The following NAMPT variants were observed in gnomAD, a reference collection of about 807,000 sequenced individuals.
NAMPT encodes nicotinamide phosphoribosyltransferase, also known as NAmPRTase.
Under a neutral mutation model 58.7 loss-of-function variants are expected in NAMPT, and 7 were observed. The ratio of observed to expected loss-of-function variants is 0.12; its 90% CI spans 0.07 to 0.22. The LOEUF (loss-of-function observed/expected upper bound fraction) is 0.22, where lower values mean the gene tolerates loss of function less well. Ranked by LOEUF, NAMPT falls within the 10% of genes least tolerant of loss-of-function variation. NAMPT has a pLI of 1.00. For synonymous variants in NAMPT, 145 were observed against 198.1 expected (o/e 0.73, Z 2.25); for missense variants, 271 against 567.9 (o/e 0.48, Z 5.31).
Position 106,250,077 on chromosome 7 carries a change from TTAA to T in NAMPT, c.*1003_*1005del, listed in dbSNP as rs201746751. Reference sequence around the variant, plus strand: ...ATATCCAATTTAATTTTTTAAAAACTTAATAAAAAATATAACAGAATTGAAACA... The same window carrying T: ...ATATCCAATTTAATTTTTTAAAAACTTAAAAAATATAACAGAATTGAAACA... On this transcript the variant is annotated 3_prime_UTR_variant, in exon 11 of 11. Coordinates refer to ENST00000222553, the MANE Select transcript of NAMPT (RefSeq NM_005746.3). 14 of 152,478 alleles carry T rather than the reference TTAA, an allele frequency of 9.2e-5. No individual in the cohort carries two copies. Among genetic ancestry groups the T allele is most frequent in the African/African-American group, 3.4e-4 (14 of 41,540 alleles). The allele number at this position is 152,478 out of a possible 1,614,324, so 9.4% of individuals were successfully genotyped here. A position where few individuals can be genotyped will look rare whatever the true frequency, so the allele number is the denominator to read the frequency against.
intron 8 of NAMPT, among the ~76,000 whole-genome samples, chr7:106,258,154 C>T (rs1314238083): frequency 5.9e-5 from 9 of 152,168 alleles, no homozygotes; most frequent in Admixed American, 5.9e-4. Context: ...AAGGAATTCC[C>T]ACTTCTCTTA....
At chr7:106,271,858 C>T (rs1792540884) in intron 4 of NAMPT, 1 of 157,802 alleles carries the variant, frequency 6.3e-6, no homozygotes, top group Non-Finnish European at 1.5e-5. Flanking sequence ...GAGGGTATTT[C>T]CTCTCACGGA....
At chr7:106,251,264 T>A in intron 10 of NAMPT, 71 bp from the exon 11 acceptor site, 1 of 976,136 alleles carries the variant, frequency 1.0e-6, no homozygotes. Context: ...TTTGATGAAT[T>A]AGACTAACCA....
chr7:106,280,796 C>T (rs566481672), intron 1 of NAMPT, among the ~76,000 whole-genome samples: 30 of 152,044 alleles, frequency 2.0e-4, no homozygotes, highest in African/African-American at 6.8e-4. Context: ...AAAAAACTAG[C>T]CGGGCGTGGT....
intron 8 of NAMPT, among the ~76,000 whole-genome samples, chr7:106,260,136 T>TC (rs1792278067): frequency 6.6e-6 from 1 of 152,218 alleles, no homozygotes; most frequent in African/African-American, 2.4e-5. Context: ...GATGTTGTCT[T>TC]CTCTCTAGTT....
intron 2 of NAMPT, chr7:106,276,103 G>C (rs1450569612): frequency 6.6e-6 from 1 of 152,160 alleles, no homozygotes; most frequent in Non-Finnish European, 1.5e-5. Flanking sequence ...CTGATATCTA[G>C]CTAGGTTTTC....
rs759881268 is a variant in NAMPT, at chr7:106,272,522, C to A, written c.447+8G>T. On this transcript the variant is annotated splice_region_variant and intron_variant, in intron 4 of 10. Transcript: ENST00000222553. ...TAATGTTAAATAAGAATTAAAAAAA[C>A]AATTTACCTCAATCCAATTTGTAAG... The A allele has an allele frequency of 6.2e-7, 1 of 1,600,220 alleles. No homozygotes were observed. The highest frequency in any genetic ancestry group is 1.4e-5 in the African/African-American group (1 of 73,960).
In NAMPT at chr7:106,278,861, A is replaced by G. The variant is rs578108160; in HGVS notation, c.58-1682T>C. ...ACTTGAAAAATGGTGTGGATCTTAT[A>G]GCACAAGTTTGTAAGTCTGATTCAT... is the stretch of plus-strand genomic sequence containing the variant. On this transcript the variant is annotated intron_variant, in intron 1 of 10. Coordinates refer to ENST00000222553, the MANE Select transcript of NAMPT (RefSeq NM_005746.3). 2.6e-5 allele frequency among the ~76,000 whole-genome samples: 4 copies of G among 152,142 alleles called. No individual in the cohort carries two copies. The South Asian group carries it at 8.3e-4, about 32-fold the overall frequency.
chr7:106,257,191 G>A (rs940524149), intron 8 of NAMPT, among the ~76,000 whole-genome samples: 1 of 151,634 alleles, frequency 6.6e-6, no homozygotes, highest in African/African-American at 2.4e-5. Flanking sequence ...GAGTACATCT[G>A]CATTAACACA....
At chr7:106,268,390 G>T (rs1792469703) in intron 6 of NAMPT, 74 bp downstream of exon 6, 2 of 1,420,812 alleles carry the variant, frequency 1.4e-6, no homozygotes, top group African/African-American at 1.4e-5. Context: ...TCTGCAGTTA[G>T]GTAAAATGTC....
At chr7:106,268,957 T>C (rs1336916907) in intron 5 of NAMPT, among the ~76,000 whole-genome samples, 197 bp downstream of exon 5, 2 of 152,116 alleles carry the variant, frequency 1.3e-5, no homozygotes, top group Admixed American at 6.6e-5. Context: ...ATCTAATATA[T>C]AAAGGACAGG....
rs1456633828 is a variant in NAMPT at position 106,284,906 on chromosome 7, C to G, written c.-22G>C. Reference sequence around the variant, plus strand: ...TCATCTCGGGCCGGAGGACAGGGGCCGCGCGCCGCGAGCTCCCTGGCGCGG... The same window carrying G: ...TCATCTCGGGCCGGAGGACAGGGGCGGCGCGCCGCGAGCTCCCTGGCGCGG... On this transcript the variant is annotated 5_prime_UTR_variant, in exon 1 of 11. Coordinates refer to ENST00000222553, the MANE Select transcript of NAMPT (RefSeq NM_005746.3). 1.1e-5 allele frequency: 17 copies of G among 1,574,532 alleles called. No homozygotes were observed. Among genetic ancestry groups the G allele is most frequent in the Non-Finnish European group, 1.5e-5 (17 of 1,159,298 alleles).
chr7:106,263,251 T>G lies in NAMPT; in HGVS notation c.969+141A>C. ...ACTGTGTGACCTCAGGCAAATCTAT[T>G]ACTCTCTCTGGGCTGCAACTCTAAA... is the stretch of plus-strand genomic sequence containing the variant. On this transcript the variant is annotated intron_variant, in intron 7 of 10. Transcript: ENST00000222553. The G allele has an allele frequency of 7.7e-6, 5 of 646,866 alleles. No individual in the cohort carries two copies. In the South Asian group the frequency reaches 9.9e-5, roughly 13 times the overall value. 40.1% of individuals were successfully genotyped at this position (646,866 alleles called of 1,614,324 possible). A position where few individuals can be genotyped will look rare whatever the true frequency, so the allele number is the denominator to read the frequency against.
chr7:106,284,735 C>CCCCCA, intron 1 of NAMPT, 93 bp downstream of exon 1: 1 of 772,838 alleles, frequency 1.3e-6, no homozygotes, highest in Non-Finnish European at 1.8e-6. Flanking sequence ...AGCCCCAGCC[C>CCCCCA]CAACCCCAGC....
intron 1 of NAMPT, among the ~76,000 whole-genome samples, chr7:106,280,201 A>G (rs1175632993): frequency 6.6e-6 from 1 of 152,154 alleles, no homozygotes; most frequent in African/African-American, 2.4e-5. Context: ...AGATGGGAGA[A>G]TTTGCCCAGT....
chr7:106,248,672 A>C lies in NAMPT; in HGVS notation c.*2411T>G, dbSNP rs1281509552. ...TAAGATATAAATACTTGATGATATA[A>C]TCAATCAAGAGGGATTAATTAATGT... On this transcript the variant is annotated 3_prime_UTR_variant, in exon 11 of 11. Transcript: ENST00000222553. The C allele has an allele frequency of 6.6e-6, 1 of 152,124 alleles. No homozygotes were observed. The highest frequency in any genetic ancestry group is 1.5e-5 in the Non-Finnish European group (1 of 67,988). The allele number at this position is 152,124 out of a possible 1,614,324, so 9.4% of individuals were successfully genotyped here.
chr7:106,277,059 A>C lies in NAMPT; in HGVS notation c.178T>G (p.Tyr60Asp). 1 of 1,599,042 alleles carries C rather than the reference A, an allele frequency of 6.3e-7. No individual in the cohort carries two copies. ...RKVKYEETVF[Y>D]GLQYILNKYL... is the part of the protein sequence containing the mutation. ...TTATTAAGAATGTACTGCAACCCATAAAATACTGTTTCCTCATATTTCACC... is the reference window on the plus strand; with the variant it reads ...TTATTAAGAATGTACTGCAACCCATCAAATACTGTTTCCTCATATTTCACC... The change falls in exon 2 of 11, where the codon TAT (tyrosine) becomes GAT (aspartate). Residue 60 changes from tyrosine (Y) to aspartate (D), a missense_variant. Transcript: ENST00000222553.
chr7:106,281,580 A>T (rs1485239109), intron 1 of NAMPT, among the ~76,000 whole-genome samples: 2 of 152,246 alleles, frequency 1.3e-5, no homozygotes, highest in Non-Finnish European at 2.9e-5. Flanking sequence ...ACACTGGCTA[A>T]GACTTTCTGC....
intron 1 of NAMPT, among the ~76,000 whole-genome samples, chr7:106,281,153 C>T (rs1220698040): frequency 2.0e-5 from 3 of 151,274 alleles, no homozygotes; most frequent in Non-Finnish European, 4.4e-5. Flanking sequence ...GAGTGCTGGC[C>T]AACCAACTGT....
Sources: allele counts gnomAD v4.1 joint callset (sites outside exome capture counted in the v4.1 genomes callset), GRCh38; gene constraint gnomAD v4.1.1; transcripts MANE v1.5; gene names NCBI Gene and HGNC (gene_info 2026-07-23, HGNC 2026-07-21).